Variants in ENTPD4 observed in about 807,000 individuals in gnomAD.
ENTPD4 encodes the protein ectonucleoside triphosphate diphosphohydrolase 4, also known as Golgi UDPase.
ENTPD4 carries 60 observed loss-of-function variants against 79.1 expected under a neutral mutation model. The ratio of observed to expected loss-of-function variants is 0.76; its 90% CI spans 0.62 to 0.94. The LOEUF (loss-of-function observed/expected upper bound fraction) is 0.94, where lower values mean the gene tolerates loss of function less well. ENTPD4 is among the 40% of genes least tolerant of loss of function. The pLI, the probability that ENTPD4 is intolerant of heterozygous loss-of-function variation, is 0.00. For missense variants in ENTPD4, 772 were observed against 775.1 expected (o/e 1.00, Z 0.05); for synonymous variants, 276 against 292.0 (o/e 0.95, Z 0.56).
intron 3 of ENTPD4, among the ~76,000 whole-genome samples, chr8:23,448,209 G>A (rs1311841636): frequency 1.3e-5 from 2 of 152,058 alleles, no homozygotes; most frequent in African/African-American, 2.4e-5. Context: ...ATTATTCCAG[G>A]ACCTCTTATG....
At chr8:23,444,214 T>C (rs576981906) in intron 5 of ENTPD4, among the ~76,000 whole-genome samples, 2 of 152,198 alleles carry the variant, frequency 1.3e-5, no homozygotes, top group Non-Finnish European at 2.9e-5. Flanking sequence ...GTAAAATAGA[T>C]TAGGTTTTTA....
chr8:23,430,995 C>A lies in ENTPD4; in HGVS notation c.*1931G>T. 1.0e-6 allele frequency: 1 copy of A among 985,140 alleles called. No homozygotes were observed. The highest frequency in any genetic ancestry group is 1.2e-6 in the Non-Finnish European group (1 of 829,666). 61.0% of individuals were successfully genotyped at this position (985,140 alleles called of 1,614,324 possible). On this transcript the variant is annotated 3_prime_UTR_variant, in exon 13 of 13. Coordinates refer to ENST00000358689, the MANE Select transcript of ENTPD4 (RefSeq NM_004901.5). ...CAGAGGCAGAGCCTGGGTCCCCAGG[C>A]TGCTGGTAACACGCTTTGAAATCCA...
intron 8 of ENTPD4, among the ~76,000 whole-genome samples, chr8:23,441,219 C>T (rs1800662802): frequency 6.6e-6 from 1 of 152,148 alleles, no homozygotes; most frequent in South Asian, 2.1e-4. Flanking sequence ...AAGAATTTCC[C>T]CCAATTCTAA....
At chr8:23,434,049 G>T in intron 12 of ENTPD4, 1 of 429,522 alleles carries the variant, frequency 2.3e-6, no homozygotes. Context: ...TGACCCTTTT[G>T]CCGGGGCTGG....
At chr8:23,434,210 G>A (rs1024645621) in intron 12 of ENTPD4, 107 bp downstream of exon 12, 7 of 1,433,618 alleles carry the variant, frequency 4.9e-6, no homozygotes, top group African/African-American at 4.3e-5. Context: ...TGCCGTGGCC[G>A]GCTCTAACAG....
rs2117269469 is a variant in ENTPD4, at chr8:23,431,359, G to C, written c.*1567C>G. ...CAGGAATTTAACTGTTCTGGAGTTAGGGAACAGCACACACAGACACTCGCA... is the reference window on the plus strand; with the variant it reads ...CAGGAATTTAACTGTTCTGGAGTTACGGAACAGCACACACAGACACTCGCA... On this transcript the variant is annotated 3_prime_UTR_variant, in exon 13 of 13. Coordinates refer to ENST00000358689, the MANE Select transcript of ENTPD4 (RefSeq NM_004901.5). The C allele has an allele frequency of 3.0e-6, 3 of 985,392 alleles. No homozygotes were observed. The highest frequency in any genetic ancestry group is 2.3e-4 in the East Asian group (2 of 8,808). The allele number at this position is 985,392 out of a possible 1,614,324, so 61.0% of individuals were successfully genotyped here. A position where few individuals can be genotyped will look rare whatever the true frequency, so the allele number is the denominator to read the frequency against.
intron 1 of ENTPD4, among the ~76,000 whole-genome samples, chr8:23,450,377 T>C (rs1170967125): frequency 1.3e-5 from 2 of 152,256 alleles, no homozygotes; most frequent in East Asian, 3.8e-4. Flanking sequence ...AAATGTCTAT[T>C]AGACTGCCCT....
rs1427535435 is a variant in ENTPD4, at chr8:23,441,688, T to C, written c.763A>G (p.Ser255Gly). The change falls in exon 8 of 13, where the codon AGT becomes GGT. Residue 255 changes from serine (S) to glycine (G), a missense_variant. Physicochemically the swap from Ser to Gly is moderately conservative, Grantham distance 56. Transcript: ENST00000358689. ...CGGACAATGGCTTCGCTGCTTTCAC[T>C]TCCAGGAATGTTAACTTCCACAACG... ...EAVVEVNIPG[S>G]ESSEAIVRKR... is the part of the protein sequence containing the mutation. 6.2e-7 allele frequency: 1 copy of C among 1,614,138 alleles called. No individual in the cohort carries two copies. The highest frequency in any genetic ancestry group is 8.5e-7 in the Non-Finnish European group (1 of 1,180,038).
In ENTPD4 at chr8:23,442,007, C is replaced by T. The variant is rs1800680424; in HGVS notation, c.727G>A (p.Asp243Asn). The change falls in exon 7 of 13, where the codon GAT (aspartate) becomes AAT (asparagine). Residue 243 changes from aspartate to asparagine, a missense_variant and splice_region_variant. Transcript: ENST00000358689. ...VLGRFEHIEDDDEAVVEVNIP... is the reference protein window; with the variant it reads ...VLGRFEHIEDNDEAVVEVNIP... Reference sequence around the variant, plus strand: ...CATTTGTTGGAACCATGACACTTACCATCTTCAATATGCTCAAATCGTCCA... The same window carrying T: ...CATTTGTTGGAACCATGACACTTACTATCTTCAATATGCTCAAATCGTCCA... 6.2e-7 allele frequency: 1 copy of T among 1,611,992 alleles called. No homozygotes were observed. The highest frequency in any genetic ancestry group is 8.5e-7 in the Non-Finnish European group (1 of 1,178,098).
chr8:23,441,452 C>T (rs983392296), intron 8 of ENTPD4, 117 bp downstream of exon 8: 74 of 1,503,658 alleles, frequency 4.9e-5, no homozygotes, highest in African/African-American at 4.0e-4. Flanking sequence ...GGTTGAGAGG[C>T]GGCACCTCAG....
Position 23,433,003 on chromosome 8 carries a change from T to C in ENTPD4, c.1774A>G (p.Thr592Ala). 1 of 1,613,594 alleles carries C rather than the reference T, an allele frequency of 6.2e-7. No individual in the cohort carries two copies. The highest frequency in any genetic ancestry group is 8.5e-7 in the Non-Finnish European group (1 of 1,179,864). ...LLRLRRIHRR[T>A]PRSSSAAALW... ...GCGGCGGCCGAGCTGCTCCGGGGAG[T>C]GCGCCTGTGGATGCGCCGCAGCCGC... The change falls in exon 13 of 13, where the codon ACT becomes GCT. Residue 592 changes from threonine to alanine, a missense_variant. By Grantham distance (58) the Thr-to-Ala change is moderately conservative. Transcript: ENST00000358689.
intron 1 of ENTPD4, among the ~76,000 whole-genome samples, chr8:23,451,797 T>C (rs535275176): frequency 6.6e-6 from 1 of 152,200 alleles, no homozygotes; most frequent in Admixed American, 6.5e-5. Flanking sequence ...TTTCATTCCC[T>C]TCAGGTCTTT....
In ENTPD4 at chr8:23,431,612, A is replaced by T; in HGVS notation, c.*1314T>A. 3.0e-6 allele frequency: 3 copies of T among 985,364 alleles called. No homozygotes were observed. The highest frequency in any genetic ancestry group is 3.6e-6 in the Non-Finnish European group (3 of 829,928). 61.0% of individuals were successfully genotyped at this position (985,364 alleles called of 1,614,324 possible). On this transcript the variant is annotated 3_prime_UTR_variant, in exon 13 of 13. Coordinates refer to ENST00000358689, the MANE Select transcript of ENTPD4 (RefSeq NM_004901.5). ...GTGCTGCCAGCAACAGCCTCAGTCAATGCGGTTAGGAAGAGGACTCGGCAG... is the reference window on the plus strand; with the variant it reads ...GTGCTGCCAGCAACAGCCTCAGTCATTGCGGTTAGGAAGAGGACTCGGCAG...
intron 9 of ENTPD4, among the ~76,000 whole-genome samples, chr8:23,438,200 G>A (rs537625470): frequency 6.6e-6 from 1 of 152,336 alleles, no homozygotes; most frequent in African/African-American, 2.4e-5. Flanking sequence ...AATCTCAAGT[G>A]ATGTTGGTGT....
chr8:23,452,573 T>C (rs541518970), intron 1 of ENTPD4, among the ~76,000 whole-genome samples: 3 of 152,352 alleles, frequency 2.0e-5, no homozygotes, highest in African/African-American at 7.2e-5. Flanking sequence ...AATAGCCACA[T>C]ATAGCTTCTG....
intron 10 of ENTPD4, 82 bp downstream of exon 10, chr8:23,436,852 A>C: frequency 9.3e-7 from 1 of 1,073,904 alleles, no homozygotes; most frequent in Non-Finnish European, 1.4e-6. Flanking sequence ...TTCCCTGTCA[A>C]TGTGAAAGGA....
chr8:23,433,037 C>G lies in ENTPD4; in HGVS notation c.1740G>C (p.Leu580=), dbSNP rs1228300135. ...GGATGCGCCGCAGCCGCAGCAGGTA[C>G]AGCAGGATGGCCAGCAGCACCACCA... The part of the protein sequence containing the change: ...CFLVVLLAIL[L]YLLRLRRIHR... Residue 580 remains leucine, a synonymous_variant, in exon 13 of 13, where the codon CTG becomes CTC. Transcript: ENST00000358689. 2.5e-6 allele frequency: 4 copies of G among 1,614,146 alleles called. No individual in the cohort carries two copies. Among genetic ancestry groups the G allele is most frequent in the Non-Finnish European group, 3.4e-6 (4 of 1,180,020 alleles).
At position 23,447,622 on chromosome 8, in the gene ENTPD4, G is replaced by T. The variant is rs147090655; in HGVS notation, c.412+58C>A. ...GTAGAAAGGGAACGATATGAAAGAC[G>T]CCACAGAGAATGAAGGTACACACCC... On this transcript the variant is annotated intron_variant, in intron 4 of 12. Coordinates refer to ENST00000358689, the MANE Select transcript of ENTPD4 (RefSeq NM_004901.5). 288 of 1,355,786 alleles carry T rather than the reference G, an allele frequency of 2.1e-4. 2 individuals carry two copies. The East Asian group carries it at 6.0e-3, about 28-fold the overall frequency. The allele number at this position is 1,355,786 out of a possible 1,614,324, so 84.0% of individuals were successfully genotyped here. A position where few individuals can be genotyped will look rare whatever the true frequency, so the allele number is the denominator to read the frequency against.
intron 1 of ENTPD4, among the ~76,000 whole-genome samples, chr8:23,456,267 T>C (rs1399752938): frequency 6.6e-6 from 1 of 152,250 alleles, no homozygotes; most frequent in East Asian, 1.9e-4. Context: ...TCTCCATGCC[T>C]GCCTCAGGCA....
Sources: allele counts gnomAD v4.1 joint callset (sites outside exome capture counted in the v4.1 genomes callset), GRCh38; gene constraint gnomAD v4.1.1; transcripts MANE v1.5; gene names NCBI Gene and HGNC (gene_info 2026-07-23, HGNC 2026-07-21).